AGBL4: variants seen among roughly 807,000 people sequenced by gnomAD.
AGBL4 encodes AGBL carboxypeptidase 4, also known as cytosolic carboxypeptidase 6.
Under a neutral mutation model 66.4 loss-of-function variants are expected in AGBL4, and 58 were observed. The ratio of observed to expected loss-of-function variants is 0.87; its 90% CI spans 0.71 to 1.09. AGBL4 has a LOEUF of 1.09. Among genes scored for constraint, AGBL4 ranks in the 50% least tolerant of loss-of-function variants. The probability of loss-of-function intolerance (pLI) is 0.00; values close to 1 mark genes in which losing one functional copy is unlikely to be tolerated. For synonymous variants in AGBL4, 234 were observed against 222.9 expected (o/e 1.05, Z -0.44); for missense variants, 579 against 631.0 (o/e 0.92, Z 0.88).
chr1:48,721,667 G>A (rs1333201855), intron 6 of AGBL4, among the ~76,000 whole-genome samples: 3 of 152,180 alleles, frequency 2.0e-5, no homozygotes, highest in Non-Finnish European at 2.9e-5. Context: ...CCCAGATCAG[G>A]GACCCCTGTG....
chr1:49,382,241 A>G (rs1644633405), intron 3 of AGBL4, among the ~76,000 whole-genome samples: 1 of 152,146 alleles, frequency 6.6e-6, no homozygotes, highest in African/African-American at 2.4e-5. Flanking sequence ...TAAGAAATAG[A>G]AAGGCTTTTG....
intron 6 of AGBL4, among the ~76,000 whole-genome samples, chr1:48,665,954 C>A (rs893999860): frequency 3.3e-5 from 5 of 152,152 alleles, no homozygotes; most frequent in African/African-American, 1.2e-4. Context: ...CAGGGAAATG[C>A]AAAATGGGCA....
intron 4 of AGBL4, among the ~76,000 whole-genome samples, chr1:49,216,986 C>A (rs1477743485): frequency 6.6e-6 from 1 of 152,036 alleles, no homozygotes; most frequent in Non-Finnish European, 1.5e-5. Flanking sequence ...TACAAAATAC[C>A]TCCTAACAGG....
intron 5 of AGBL4, among the ~76,000 whole-genome samples, chr1:48,893,603 T>G (rs983240866): frequency 6.6e-6 from 1 of 151,878 alleles, no homozygotes; most frequent in Non-Finnish European, 1.5e-5. Context: ...GAGAATGGTG[T>G]GGACCTGAGA....
At chr1:48,806,421 T>C (rs1172398153) in intron 6 of AGBL4, among the ~76,000 whole-genome samples, 2 of 152,202 alleles carry the variant, frequency 1.3e-5, no homozygotes, top group African/African-American at 4.8e-5. Flanking sequence ...ATCCCACTGG[T>C]AGGCAGCTTC....
chr1:49,935,288 C>G (rs1394987042), intron 1 of AGBL4, among the ~76,000 whole-genome samples: 4 of 152,234 alleles, frequency 2.6e-5, no homozygotes, highest in Admixed American at 6.5e-5. Flanking sequence ...GGGAGGGGCG[C>G]CCGCCATTGC....
At chr1:49,175,545 G>A (rs1646815404) in intron 4 of AGBL4, among the ~76,000 whole-genome samples, 1 of 152,034 alleles carries the variant, frequency 6.6e-6, no homozygotes, top group Admixed American at 6.6e-5. Context: ...TTAAAACATT[G>A]AATGTGACAT....
intron 3 of AGBL4, among the ~76,000 whole-genome samples, chr1:49,519,397 G>A (rs1345670722): frequency 1.3e-5 from 2 of 151,910 alleles, no homozygotes; most frequent in East Asian, 3.9e-4. Flanking sequence ...TATCACTTTA[G>A]TCTGTATTTT....
chr1:49,599,227 T>C (rs1398924776), intron 3 of AGBL4, among the ~76,000 whole-genome samples: 1 of 152,210 alleles, frequency 6.6e-6, no homozygotes, highest in African/African-American at 2.4e-5. Context: ...TGAATCCATC[T>C]GGTCCTGGAC....
chr1:49,184,316 C>G (rs774430795), intron 4 of AGBL4, among the ~76,000 whole-genome samples: 2 of 152,084 alleles, frequency 1.3e-5, no homozygotes, highest in African/African-American at 4.8e-5. Flanking sequence ...ATGTTTTTAT[C>G]TCACTTGAAC....
rs554424947 is a variant in AGBL4 at position 49,656,705 on chromosome 1, C to T, written c.282+40608G>A. Among the ~76,000 whole-genome samples the T allele has an allele frequency of 2.0e-4, 30 of 152,246 alleles. No individual in the cohort carries two copies. The East Asian group carries it at 2.3e-3, about 12-fold the overall frequency. Reference sequence around the variant, plus strand: ...TGGGATGCAAGGCTGGTTCATCATACGCAAATCAATAAACATAATCCAGCA... The same window carrying T: ...TGGGATGCAAGGCTGGTTCATCATATGCAAATCAATAAACATAATCCAGCA... On this transcript the variant is annotated intron_variant, in intron 3 of 13. Transcript: ENST00000371839.
At chr1:48,823,683 C>T (rs1375333009) in intron 6 of AGBL4, among the ~76,000 whole-genome samples, 3 of 152,214 alleles carry the variant, frequency 2.0e-5, no homozygotes, top group Non-Finnish European at 4.4e-5. Context: ...CTTCACTTCT[C>T]CTTGTCCTCC....
rs567093704 is a variant in AGBL4, at chr1:49,472,815, C to T, written c.282+224498G>A. 4.3e-4 allele frequency among the ~76,000 whole-genome samples: 65 copies of T among 152,086 alleles called. No individual in the cohort carries two copies. In the South Asian group the frequency reaches 7.2e-3, roughly 17 times the overall value. On this transcript the variant is annotated intron_variant, in intron 3 of 13. Transcript: ENST00000371839. ...AGGTAGTTTTTCAGCCAATGCCTCA[C>T]GCCTTTCCTCCCTCCTTCTGGAATC...
chr1:48,912,015 C>T (rs1653171507), intron 5 of AGBL4, among the ~76,000 whole-genome samples: 1 of 152,088 alleles, frequency 6.6e-6, no homozygotes, highest in South Asian at 2.1e-4. Flanking sequence ...TCTCATTTCC[C>T]TCTATTTAAT....
chr1:49,448,426 A>C (rs1646206608), intron 3 of AGBL4, among the ~76,000 whole-genome samples: 1 of 152,168 alleles, frequency 6.6e-6, no homozygotes, highest in Non-Finnish European at 1.5e-5. Flanking sequence ...AGAGAAAGAG[A>C]AACTTGTCTC....
In AGBL4 at chr1:49,782,930, C is replaced by T. The variant is rs12079926; in HGVS notation, c.157+68466G>A. Reference sequence around the variant, plus strand: ...TTCTGTTTATTGCAAATTATTCAGTCAGTGATATTCTGTTATATAATAGCA... The same window carrying T: ...TTCTGTTTATTGCAAATTATTCAGTTAGTGATATTCTGTTATATAATAGCA... On this transcript the variant is annotated intron_variant, in intron 2 of 13. Coordinates refer to ENST00000371839, the MANE Select transcript of AGBL4 (RefSeq NM_032785.4). Among the ~76,000 whole-genome samples the T allele has an allele frequency of 2.6e-3, 394 of 152,116 alleles. 5 individuals are homozygous for T. The highest frequency in any genetic ancestry group is 8.9e-3 in the African/African-American group (370 of 41,516).
chr1:48,704,500 G>A (rs906167792), intron 6 of AGBL4, among the ~76,000 whole-genome samples: 8 of 152,066 alleles, frequency 5.3e-5, no homozygotes, highest in Non-Finnish European at 1.0e-4. Context: ...TTGTACTCCT[G>A]TACAAAAATA....
intron 1 of AGBL4, among the ~76,000 whole-genome samples, chr1:49,996,953 A>G (rs1660410927): frequency 6.6e-6 from 1 of 152,198 alleles, no homozygotes; most frequent in African/African-American, 2.4e-5. Context: ...TTTTGTATCC[A>G]GTGAAACTAA....
intron 3 of AGBL4, among the ~76,000 whole-genome samples, chr1:49,391,487 G>GT (rs773474014): frequency 1.8e-4 from 28 of 151,768 alleles, no homozygotes; most frequent in Non-Finnish European, 3.4e-4. Context: ...AGGAACAGAT[G>GT]TAAGAGATGC....
Sources: allele counts gnomAD v4.1 joint callset (sites outside exome capture counted in the v4.1 genomes callset), GRCh38; gene constraint gnomAD v4.1.1; transcripts MANE v1.5; gene names NCBI Gene and HGNC (gene_info 2026-07-23, HGNC 2026-07-21).